Variants in CNTNAP2 observed in about 807,000 individuals in gnomAD.
CNTNAP2 encodes the protein contactin-associated protein-like 2.
Under a neutral mutation model 155.2 loss-of-function variants are expected in CNTNAP2, and 98 were observed. The observed-to-expected ratio is 0.63, with a 90% CI of 0.54 to 0.75. CNTNAP2 has a LOEUF of 0.75. Among genes scored for constraint, CNTNAP2 ranks in the 30% least tolerant of loss-of-function variants. The pLI, the probability that CNTNAP2 is intolerant of heterozygous loss-of-function variation, is 0.00. For missense variants in CNTNAP2, 1,727 were observed against 1,688.1 expected, an observed-to-expected ratio of 1.02 and a Z score of -0.40; for synonymous variants, 651 against 631.2, an observed-to-expected ratio of 1.03 and a Z score of -0.47.
rs1799778842 is a variant in CNTNAP2, at chr7:148,409,516, G to A, written c.3796+45G>A. 2.0e-6 allele frequency: 3 copies of A among 1,506,952 alleles called. No individual in the cohort carries two copies. The South Asian group carries it at 3.4e-5, about 17-fold the overall frequency. The allele number at this position is 1,506,952 out of a possible 1,614,324, so 93.3% of individuals were successfully genotyped here. On this transcript the variant is annotated intron_variant, in intron 23 of 23. Transcript: ENST00000361727. ...GGCTTATATGGGGCTACTCAACTATGGAAAGTAATAGTTGTCAATAACATA... is the reference window on the plus strand; with the variant it reads ...GGCTTATATGGGGCTACTCAACTATAGAAAGTAATAGTTGTCAATAACATA...
intron 20 of CNTNAP2, among the ~76,000 whole-genome samples, chr7:148,257,974 C>T (rs539264753): frequency 2.0e-5 from 3 of 152,188 alleles, no homozygotes; most frequent in South Asian, 2.1e-4. Flanking sequence ...GATACATACA[C>T]GAACATGGCT....
chr7:146,228,212 G>A (rs1799327123), intron 1 of CNTNAP2, among the ~76,000 whole-genome samples: 1 of 152,204 alleles, frequency 6.6e-6, no homozygotes. Context: ...AGGAGAAATA[G>A]AGTTTGAAGA....
chr7:147,914,501 C>G (rs375775162), intron 14 of CNTNAP2, among the ~76,000 whole-genome samples: 1 of 149,494 alleles, frequency 6.7e-6, no homozygotes, highest in African/African-American at 2.5e-5. Flanking sequence ...GATCGCATCA[C>G]TGCATTCCAG....
chr7:148,142,616 C>T (rs1486597561), intron 16 of CNTNAP2, among the ~76,000 whole-genome samples: 1 of 152,184 alleles, frequency 6.6e-6, no homozygotes, highest in Admixed American at 6.5e-5. Context: ...CCATCATGCT[C>T]ATGCTATATA....
intron 1 of CNTNAP2, among the ~76,000 whole-genome samples, chr7:146,309,822 AG>A (rs1800787636): frequency 6.7e-6 from 1 of 149,968 alleles, no homozygotes; most frequent in Non-Finnish European, 1.5e-5. Flanking sequence ...AAAAGAAAGA[AG>A]AAAGGAAAGG....
At chr7:147,793,885 G>A (rs1002083099) in intron 13 of CNTNAP2, among the ~76,000 whole-genome samples, 2 of 151,818 alleles carry the variant, frequency 1.3e-5, no homozygotes, top group African/African-American at 2.4e-5. Flanking sequence ...TGCCCTTTTT[G>A]CTATATTTAG....
chr7:148,071,472 C>T (rs1289634896), intron 15 of CNTNAP2, among the ~76,000 whole-genome samples: 1 of 152,056 alleles, frequency 6.6e-6, no homozygotes, highest in Non-Finnish European at 1.5e-5. Flanking sequence ...GAGCGAGACT[C>T]CATCTCACAC....
chr7:146,985,374 G>A (rs1798097477), intron 3 of CNTNAP2, among the ~76,000 whole-genome samples: 1 of 147,144 alleles, frequency 6.8e-6, no homozygotes, highest in African/African-American at 2.6e-5. Context: ...CTGAAGTGCA[G>A]TGGTGCAGTC....
intron 13 of CNTNAP2, among the ~76,000 whole-genome samples, chr7:147,643,169 G>A (rs1279281172): frequency 6.6e-6 from 1 of 152,150 alleles, no homozygotes; most frequent in African/African-American, 2.4e-5. Context: ...TGGAATTTAA[G>A]GTGTTAGTCC....
intron 4 of CNTNAP2, among the ~76,000 whole-genome samples, chr7:147,047,131 C>T (rs1388377942): frequency 3.9e-5 from 4 of 101,954 alleles, no homozygotes; most frequent in Admixed American, 3.9e-4. Flanking sequence ...TTTTTTGAGA[C>T]GTAGTCTCGA....
chr7:147,412,177 C>A (rs1448418260), intron 10 of CNTNAP2, among the ~76,000 whole-genome samples: 1 of 152,066 alleles, frequency 6.6e-6, no homozygotes, highest in East Asian at 1.9e-4. Flanking sequence ...GAAAAAGACC[C>A]AGATCCTTAA....
chr7:147,300,054 T>G lies in CNTNAP2; in HGVS notation c.1349-87T>G, dbSNP rs1794913370. 2.1e-6 allele frequency: 3 copies of G among 1,406,490 alleles called. No individual in the cohort carries two copies. The East Asian group carries it at 6.9e-5, about 32-fold the overall frequency. The allele number at this position is 1,406,490 out of a possible 1,614,324, so 87.1% of individuals were successfully genotyped here. On this transcript the variant is annotated intron_variant, in intron 8 of 23. Coordinates refer to ENST00000361727, the MANE Select transcript of CNTNAP2 (RefSeq NM_014141.6). ...TTTTCCAAGAGAAAAATACTTTTAT[T>G]TGTAAAATCGTGATTTGTTGATTTT...
intron 18 of CNTNAP2, among the ~76,000 whole-genome samples, chr7:148,198,701 C>T (rs1006631310): frequency 1.3e-5 from 2 of 152,178 alleles, no homozygotes; most frequent in African/African-American, 4.8e-5. Context: ...CTTGTCTTAG[C>T]AGTTGGTTAA....
chr7:146,638,218 T>C (rs1799631560), intron 1 of CNTNAP2, among the ~76,000 whole-genome samples: 1 of 152,144 alleles, frequency 6.6e-6, no homozygotes, highest in Non-Finnish European at 1.5e-5. Flanking sequence ...TCCAAAACAA[T>C]GAACTGACAG....
At chr7:146,635,795 G>T (rs1313712931) in intron 1 of CNTNAP2, among the ~76,000 whole-genome samples, 5 of 137,520 alleles carry the variant, frequency 3.6e-5, no homozygotes, top group African/African-American at 1.3e-4. Flanking sequence ...CCAGGTGCCA[G>T]GACTCATCTC....
chr7:148,278,174 C>T (rs1411271788), intron 21 of CNTNAP2, among the ~76,000 whole-genome samples: 3 of 152,300 alleles, frequency 2.0e-5, no homozygotes, highest in Non-Finnish European at 2.9e-5. Flanking sequence ...GCAAAGGCCA[C>T]GGATACAGGG....
At chr7:146,585,871 C>T (rs553222726) in intron 1 of CNTNAP2, among the ~76,000 whole-genome samples, 66 of 151,574 alleles carry the variant, frequency 4.4e-4, no homozygotes, top group Admixed American at 6.6e-4. Flanking sequence ...TTGGGGTGGT[C>T]GTGTGCACCT....
At chr7:146,920,753 T>A (rs115279286) in intron 3 of CNTNAP2, among the ~76,000 whole-genome samples, 2,765 of 152,280 alleles carry the variant, frequency 0.018, 72 homozygotes, top group African/African-American at 0.062. Flanking sequence ...TAGTTAATCT[T>A]TCACTTTGGA....
chr7:146,690,728 AAG>A (rs1210288935), intron 1 of CNTNAP2, among the ~76,000 whole-genome samples: 1 of 152,156 alleles, frequency 6.6e-6, no homozygotes, highest in Non-Finnish European at 1.5e-5. Flanking sequence ...TTATTTAGGA[AAG>A]GGGAAAATAC....
Sources: gnomAD v4.1 joint callset for allele counts (sites outside exome capture counted in the v4.1 genomes callset) on GRCh38, gnomAD v4.1.1 for gene constraint, MANE v1.5 for transcripts, NCBI Gene and HGNC (gene_info 2026-07-23, HGNC 2026-07-21) for gene names.